The following ADA2 variants were observed in gnomAD, a reference collection of about 807,000 sequenced individuals.
ADA2 encodes adenosine deaminase 2, also known as adenosine deaminase CECR1.
Under a neutral mutation model 44.2 loss-of-function variants are expected in ADA2, and 29 were observed. The ratio of observed to expected loss-of-function variants is 0.66; its 90% CI spans 0.49 to 0.89. The LOEUF (loss-of-function observed/expected upper bound fraction) is 0.89, where lower values mean the gene tolerates loss of function less well. ADA2 is among the 40% of genes least tolerant of loss of function. The probability of loss-of-function intolerance (pLI) is 0.00; values close to 1 mark genes in which losing one functional copy is unlikely to be tolerated. For synonymous variants in ADA2, 215 were observed against 234.9 expected (o/e 0.92, Z 0.77); for missense variants, 637 against 644.8 (o/e 0.99, Z 0.13).
At chr22:17,199,865 A>T in intron 4 of ADA2, 1 of 806,048 alleles carries the variant, frequency 1.2e-6, no homozygotes, top group East Asian at 4.1e-5. Flanking sequence ...TATTTGCCTG[A>T]GCTCAGGAGT....
rs151191207 is a variant in ADA2 at position 17,213,762 on chromosome 22, G to C, written c.-46-4039C>G. ...ATCCTCAAGAAAGCATCCAGGCCAGGCTTGGTGACTCACGCCTGTAATCCC... is the reference window on the plus strand; with the variant it reads ...ATCCTCAAGAAAGCATCCAGGCCAGCCTTGGTGACTCACGCCTGTAATCCC... On this transcript the variant is annotated intron_variant, in intron 1 of 9. Coordinates refer to ENST00000399837, the MANE Select transcript of ADA2 (RefSeq NM_001282225.2). 5.2e-3 allele frequency: 1,307 copies of C among 250,182 alleles called. 5 individuals are homozygous for C. Among genetic ancestry groups the C allele is most frequent in the Non-Finnish European group, 8.1e-3 (1,021 of 125,920 alleles). 15.5% of individuals were successfully genotyped at this position (250,182 alleles called of 1,614,324 possible). A position where few individuals can be genotyped will look rare whatever the true frequency, so the allele number is the denominator to read the frequency against.
In ADA2 at chr22:17,181,406, A is replaced by T. The variant is rs1414539273; in HGVS notation, c.*77T>A. 2 of 969,650 alleles carry T rather than the reference A, an allele frequency of 2.1e-6. No homozygotes were observed. The highest frequency in any genetic ancestry group is 3.4e-5 in the Admixed American group (2 of 58,928). 60.1% of individuals were successfully genotyped at this position (969,650 alleles called of 1,614,324 possible). On this transcript the variant is annotated 3_prime_UTR_variant, in exon 10 of 10. Coordinates refer to ENST00000399837, the MANE Select transcript of ADA2 (RefSeq NM_001282225.2). ...GGCCATTGATTTCATGGGCACATGG[A>T]GCTGATTCAAGAACGAGTGAGAGGA... is the stretch of plus-strand genomic sequence containing the variant.
chr22:17,215,082 G>T (rs1035448486), intron 1 of ADA2, among the ~76,000 whole-genome samples: 1 of 152,220 alleles, frequency 6.6e-6, no homozygotes, highest in African/African-American at 2.4e-5. Flanking sequence ...CTGGGATTTT[G>T]TAGGGCCTGT....
Position 17,199,869 on chromosome 22 carries a change from C to G in ADA2, c.753+3694G>C, listed in dbSNP as rs980011871. 15 of 742,780 alleles carry G rather than the reference C, an allele frequency of 2.0e-5. No individual in the cohort carries two copies. The African/African-American group carries it at 2.7e-4, about 13-fold the overall frequency. 46.0% of individuals were successfully genotyped at this position (742,780 alleles called of 1,614,324 possible). On this transcript the variant is annotated intron_variant, in intron 4 of 9. Coordinates refer to ENST00000399837, the MANE Select transcript of ADA2 (RefSeq NM_001282225.2). The stretch of plus-strand genomic sequence containing the variant: ...CGACGTGGGTGTATTTGCCTGAGCT[C>G]AGGAGTTCCAGACCAGCCTGGGCAA...
intron 4 of ADA2, among the ~76,000 whole-genome samples, chr22:17,201,896 C>T (rs1372931697): frequency 2.0e-5 from 3 of 151,568 alleles, no homozygotes; most frequent in Non-Finnish European, 4.4e-5. Flanking sequence ...TTCTTTTGGA[C>T]TCTTTCTACT....
Position 17,219,375 on chromosome 22 carries a change from CTG to C in ADA2, c.-68_-67del, listed in dbSNP as rs2062503190. 6.6e-6 allele frequency: 1 copy of C among 152,304 alleles called. No homozygotes were observed. The highest frequency in any genetic ancestry group is 2.1e-4 in the South Asian group (1 of 4,832). The allele number at this position is 152,304 out of a possible 1,614,324, so 9.4% of individuals were successfully genotyped here. Reference sequence around the variant, plus strand: ...AGTTACCTCGGAACAGCTCCAGAAACTGAGGGCTGTTTGCTCAGCGCCCCAGC... The same window carrying C: ...AGTTACCTCGGAACAGCTCCAGAAACAGGGCTGTTTGCTCAGCGCCCCAGC... On this transcript the variant is annotated 5_prime_UTR_variant, in exon 1 of 10. Transcript: ENST00000399837.
At chr22:17,193,043 A>C (rs1340216938) in intron 4 of ADA2, 2 of 726,172 alleles carry the variant, frequency 2.8e-6, no homozygotes, top group Non-Finnish European at 4.8e-6. Context: ...GGGTTCATAG[A>C]AGGTTCAAGG....
chr22:17,212,859 A>C (rs2062432303), intron 1 of ADA2, among the ~76,000 whole-genome samples: 1 of 147,090 alleles, frequency 6.8e-6, no homozygotes, highest in African/African-American at 2.5e-5. Flanking sequence ...ACTTGGTTGG[A>C]CTCCAAAGCT....
At chr22:17,181,605 CCT>C (rs750473373) in intron 9 of ADA2, 29 bp from the exon 10 acceptor site, 2 of 1,512,052 alleles carry the variant, frequency 1.3e-6, no homozygotes, top group Non-Finnish European at 1.8e-6. Context: ...CCCAGGTCAG[CCT>C]CAGGGCAGGG....
intron 7 of ADA2, among the ~76,000 whole-genome samples, chr22:17,183,456 CTTTTTT>C (rs1227906560): frequency 1.3e-5 from 1 of 77,456 alleles, no homozygotes; most frequent in Non-Finnish European, 2.5e-5. Context: ...TTGTGGCACT[CTTTTTT>C]TTTTTTTTTT....
intron 6 of ADA2, among the ~76,000 whole-genome samples, chr22:17,189,355 T>C (rs2062085582): frequency 6.6e-6 from 1 of 152,124 alleles, no homozygotes; most frequent in Admixed American, 6.6e-5. Flanking sequence ...AGAAATGTCC[T>C]GGTTGTGCTT....
At chr22:17,210,110 A>T (rs1163975100) in intron 1 of ADA2, among the ~76,000 whole-genome samples, 1 of 150,782 alleles carries the variant, frequency 6.6e-6, no homozygotes, top group Admixed American at 6.6e-5. Flanking sequence ...CAGGATGGTC[A>T]CGATCTCCTG....
Position 17,207,072 on chromosome 22 carries a change from T to G in ADA2, c.541A>C (p.Ser181Arg). The change falls in exon 3 of 10, where the codon AGC becomes CGC. Residue 181 changes from serine (S) to arginine (R), a missense_variant and splice_region_variant. Physicochemically the swap from Ser to Arg is moderately radical, Grantham distance 110. Transcript: ENST00000399837. ...RVQNVTEFDDSLLRNFTLVTQ... is the reference protein window; with the variant it reads ...RVQNVTEFDDRLLRNFTLVTQ... ...TGTGCTTTCTGAACTACTACTCACC[T>G]GTCATCAAACTCAGTGACGTTCTGC... The G allele has an allele frequency of 6.2e-7, 1 of 1,613,378 alleles. No individual in the cohort carries two copies. Among genetic ancestry groups the G allele is most frequent in the South Asian group, 1.1e-5 (1 of 91,036 alleles).
intron 1 of ADA2, among the ~76,000 whole-genome samples, chr22:17,210,351 C>T (rs578032836): frequency 1.1e-3 from 163 of 151,836 alleles, no homozygotes; most frequent in Admixed American, 3.8e-3. Context: ...TCACCACGCC[C>T]GGCTAATTTT....
chr22:17,187,975 G>A (rs2062056767), intron 7 of ADA2, among the ~76,000 whole-genome samples: 1 of 149,396 alleles, frequency 6.7e-6, no homozygotes, highest in Non-Finnish European at 1.5e-5. Flanking sequence ...GTGGTGGCAG[G>A]TGCCTGTAGT....
chr22:17,219,397 C>T lies in ADA2; in HGVS notation c.-88G>A, dbSNP rs1467967777. ...AAACTGAGGGCTGTTTGCTCAGCGC[C>T]CCAGCATCTGTGCAGAGCACCGGAA... is the stretch of plus-strand genomic sequence containing the variant. On this transcript the variant is annotated 5_prime_UTR_variant, in exon 1 of 10. Coordinates refer to ENST00000399837, the MANE Select transcript of ADA2 (RefSeq NM_001282225.2). The T allele has an allele frequency of 6.6e-6, 1 of 152,230 alleles. No individual in the cohort carries two copies. The highest frequency in any genetic ancestry group is 1.5e-5 in the Non-Finnish European group (1 of 68,082). The allele number at this position is 152,230 out of a possible 1,614,324, so 9.4% of individuals were successfully genotyped here.
rs548409372 is a variant in ADA2, at chr22:17,207,259, G to A, written c.354C>T (p.Ile118=). The A allele has an allele frequency of 5.9e-5, 95 of 1,610,396 alleles. 2 individuals are homozygous for A. The highest frequency in any genetic ancestry group is 2.9e-4 in the South Asian group (26 of 91,014). The part of the protein sequence containing the change: ...GAALHLHDIG[I]VTMDWLVRNV... ...TCCTCACCAGCCAGTCCATAGTCACGATGCCAATGTCATGGAGGTGCAAGG... is the reference window on the plus strand; with the variant it reads ...TCCTCACCAGCCAGTCCATAGTCACAATGCCAATGTCATGGAGGTGCAAGG... The change falls in exon 3 of 10, where the codon ATC becomes ATT. Residue 118 remains isoleucine (I), a synonymous_variant. Coordinates refer to ENST00000399837, the MANE Select transcript of ADA2 (RefSeq NM_001282225.2).
intron 7 of ADA2, 87 bp from the exon 8 acceptor site, chr22:17,182,848 G>A (rs1407869368): frequency 1.4e-4 from 196 of 1,403,922 alleles, no homozygotes; most frequent in Non-Finnish European, 1.9e-4. Context: ...CCCGCCCCCC[G>A]ACCATCCTCA....
intron 1 of ADA2, among the ~76,000 whole-genome samples, chr22:17,210,080 CG>C (rs778507048): frequency 3.3e-5 from 5 of 151,098 alleles, no homozygotes; most frequent in Admixed American, 6.6e-5. Context: ...TTAGTAGAGA[CG>C]GGGTTTCACT....
Sources: allele counts gnomAD v4.1 joint callset (sites outside exome capture counted in the v4.1 genomes callset), GRCh38; gene constraint gnomAD v4.1.1; transcripts MANE v1.5; gene names NCBI Gene and HGNC (gene_info 2026-07-23, HGNC 2026-07-21).